The following MRPS25 variants were observed in gnomAD, a reference collection of about 807,000 sequenced individuals.
MRPS25 encodes mitochondrial ribosomal protein S25, also known as small ribosomal subunit protein mS25.
In MRPS25, 15 loss-of-function variants were observed where a neutral mutation model predicts 17.3. That is an observed-to-expected ratio of 0.87 (90% CI 0.58 to 1.34). The LOEUF is 1.34. Ranked by LOEUF, MRPS25 falls within the 40% of genes most tolerant of loss-of-function variation. MRPS25 has a pLI of 0.00. For missense variants in MRPS25, 225 were observed against 218.6 expected (o/e 1.03, Z -0.19); for synonymous variants, 94 against 83.3 (o/e 1.13, Z -0.70).
intron 1 of MRPS25, among the ~76,000 whole-genome samples, chr3:15,063,088 G>C (rs1186076399): frequency 2.0e-5 from 3 of 151,372 alleles, no homozygotes; most frequent in African/African-American, 7.3e-5. Context: ...CAGGAACCTT[G>C]AGTTGAGCAA....
rs576883640 is a variant in MRPS25 at position 15,049,583 on chromosome 3, A to G, written c.*2858T>C. On this transcript the variant is annotated 3_prime_UTR_variant, in exon 4 of 4. Transcript: ENST00000253686. ...CAGAGCACAGTTAGGCTGCTGGAACATTCAGATGCCATTACAGACAGGCCT... is the reference window on the plus strand; with the variant it reads ...CAGAGCACAGTTAGGCTGCTGGAACGTTCAGATGCCATTACAGACAGGCCT... 7.0e-6 allele frequency: 3 copies of G among 427,050 alleles called. No homozygotes were observed. The highest frequency in any genetic ancestry group is 1.2e-5 in the Non-Finnish European group (3 of 242,538). The allele number at this position is 427,050 out of a possible 1,614,324, so 26.5% of individuals were successfully genotyped here. A position where few individuals can be genotyped will look rare whatever the true frequency, so the allele number is the denominator to read the frequency against.
downstream of MRPS25, chr3:15,044,925 T>C (rs1230138182): frequency 6.6e-6 from 1 of 152,228 alleles, no homozygotes; most frequent in Non-Finnish European, 1.5e-5. Context: ...TGGATTTAAT[T>C]ATATCATTTT....
chr3:15,062,468 C>G (rs2042787242), intron 1 of MRPS25, among the ~76,000 whole-genome samples: 2 of 145,492 alleles, frequency 1.4e-5, no homozygotes, highest in African/African-American at 5.1e-5. Flanking sequence ...CCCTGCCCGG[C>G]CAGCCGCCCC....
chr3:15,052,745 G>T, intron 3 of MRPS25, 112 bp from the exon 4 acceptor site: 1 of 1,128,226 alleles, frequency 8.9e-7, no homozygotes, highest in Non-Finnish European at 1.3e-6. Flanking sequence ...TGGATCTCCT[G>T]CCTTCTAACC....
At chr3:15,055,863 A>G (rs917684160) in intron 2 of MRPS25, among the ~76,000 whole-genome samples, 6 of 151,750 alleles carry the variant, frequency 4.0e-5, no homozygotes, top group Admixed American at 3.9e-4. Flanking sequence ...AAGGAAATGC[A>G]CCCAGAACAC....
chr3:15,065,297 GCCAGGTT>G lies in MRPS25; in HGVS notation c.-110_-104del. On this transcript the variant is annotated 5_prime_UTR_variant, in exon 1 of 4. Transcript: ENST00000253686. ...GGATCTCACGCGGCTTCTCCCCAGA[GCCAGGTT>G]CCACTTCCCGCGCAGACGCACAGGA... 7.1e-7 allele frequency: 1 copy of G among 1,417,576 alleles called. No homozygotes were observed. Among genetic ancestry groups the G allele is most frequent in the Non-Finnish European group, 9.2e-7 (1 of 1,084,198 alleles). 87.8% of individuals were successfully genotyped at this position (1,417,576 alleles called of 1,614,324 possible). A position where few individuals can be genotyped will look rare whatever the true frequency, so the allele number is the denominator to read the frequency against.
chr3:15,050,144 T>C lies in MRPS25; in HGVS notation c.*2297A>G. The C allele has an allele frequency of 7.4e-7, 1 of 1,349,714 alleles. No homozygotes were observed. Among genetic ancestry groups the C allele is most frequent in the South Asian group, 1.8e-5 (1 of 55,712 alleles). The allele number at this position is 1,349,714 out of a possible 1,614,324, so 83.6% of individuals were successfully genotyped here. ...TAAAGAGAAACTATCCAGGATCAAGTAGCCTACAGGGAACAAAAAAAGAAA... is the reference window on the plus strand; with the variant it reads ...TAAAGAGAAACTATCCAGGATCAAGCAGCCTACAGGGAACAAAAAAAGAAA... On this transcript the variant is annotated 3_prime_UTR_variant, in exon 4 of 4. Coordinates refer to ENST00000253686, the MANE Select transcript of MRPS25 (RefSeq NM_022497.5).
At chr3:15,052,826 C>T (rs1455470601) in intron 3 of MRPS25, among the ~76,000 whole-genome samples, 193 bp from the exon 4 acceptor site, 1 of 152,192 alleles carries the variant, frequency 6.6e-6, no homozygotes, top group Non-Finnish European at 1.5e-5. Context: ...AGAAGGCCTG[C>T]TGTTGTCCCC....
chr3:15,042,564 C>T (rs1575051349), downstream of MRPS25: 5 of 329,306 alleles, frequency 1.5e-5, no homozygotes, highest in East Asian at 2.5e-4. Flanking sequence ...GATGAATTTC[C>T]AGGTTTTCTC....
chr3:15,056,120 C>T (rs1210894917), intron 2 of MRPS25, among the ~76,000 whole-genome samples: 1 of 150,966 alleles, frequency 6.6e-6, no homozygotes, highest in Non-Finnish European at 1.5e-5. Context: ...GAGGCTGAGG[C>T]AGGAGAATGG....
intron 2 of MRPS25, 108 bp downstream of exon 2, chr3:15,059,261 A>C: frequency 2.5e-6 from 2 of 784,364 alleles, no homozygotes; most frequent in Non-Finnish European, 4.4e-6. Flanking sequence ...TCACAGACAC[A>C]CCATGACAGC....
chr3:15,051,555 A>G lies in MRPS25; in HGVS notation c.*886T>C, dbSNP rs1037018424. The G allele has an allele frequency of 4.1e-6, 4 of 985,188 alleles. No individual in the cohort carries two copies. The highest frequency in any genetic ancestry group is 3.6e-6 in the Non-Finnish European group (3 of 829,814). The allele number at this position is 985,188 out of a possible 1,614,324, so 61.0% of individuals were successfully genotyped here. A position where few individuals can be genotyped will look rare whatever the true frequency, so the allele number is the denominator to read the frequency against. On this transcript the variant is annotated 3_prime_UTR_variant, in exon 4 of 4. Coordinates refer to ENST00000253686, the MANE Select transcript of MRPS25 (RefSeq NM_022497.5). The stretch of plus-strand genomic sequence containing the variant: ...TGGAGGCTGAAACCTCCACTTTAGC[A>G]TAACTAAAGTGACAGTAACATCAGT...
At chr3:15,047,293 CAG>C (rs2042491081), downstream of MRPS25, 1 of 152,216 alleles carries the variant, frequency 6.6e-6, no homozygotes, top group Non-Finnish European at 1.5e-5. Context: ...GCCATGAAGT[CAG>C]AATCTCCACT....
chr3:15,048,780 T>C lies in MRPS25; in HGVS notation c.*3661A>G, dbSNP rs2042544399. 6.6e-6 allele frequency: 1 copy of C among 152,648 alleles called. No homozygotes were observed. Among genetic ancestry groups the C allele is most frequent in the Admixed American group, 6.5e-5 (1 of 15,288 alleles). The allele number at this position is 152,648 out of a possible 1,614,324, so 9.5% of individuals were successfully genotyped here. A position where few individuals can be genotyped will look rare whatever the true frequency, so the allele number is the denominator to read the frequency against. On this transcript the variant is annotated 3_prime_UTR_variant, in exon 4 of 4. Transcript: ENST00000253686. ...AGTTTTATAACTGAAAAGCTGCACA[T>C]TTTTCACAGTACAAGCCGTAGTTTT...
In MRPS25 at chr3:15,049,895, C is replaced by G. The variant is rs1250903467; in HGVS notation, c.*2546G>C. On this transcript the variant is annotated 3_prime_UTR_variant, in exon 4 of 4. Transcript: ENST00000253686. Reference sequence around the variant, plus strand: ...TCAGCCTCCTGAGTAACTGGGACCACAGCAGATGATACAGGTTTAGATGGT... The same window carrying G: ...TCAGCCTCCTGAGTAACTGGGACCAGAGCAGATGATACAGGTTTAGATGGT... 1.3e-6 allele frequency: 2 copies of G among 1,529,710 alleles called. No individual in the cohort carries two copies. Among genetic ancestry groups the G allele is most frequent in the South Asian group, 2.4e-5 (2 of 83,464 alleles). 94.8% of individuals were successfully genotyped at this position (1,529,710 alleles called of 1,614,324 possible). A position where few individuals can be genotyped will look rare whatever the true frequency, so the allele number is the denominator to read the frequency against.
intron 1 of MRPS25, among the ~76,000 whole-genome samples, chr3:15,062,282 C>T (rs1198728470): frequency 1.1e-4 from 7 of 65,484 alleles, no homozygotes; most frequent in African/African-American, 1.4e-4. Context: ...GTCAGCCCCC[C>T]GCCCGGCCAG....
rs1026532528 is a variant in MRPS25 at position 15,065,080 on chromosome 3, C to T, written c.115G>A (p.Glu39Lys). 16 of 1,601,436 alleles carry T rather than the reference C, an allele frequency of 1.0e-5. No individual in the cohort carries two copies. Among genetic ancestry groups the T allele is most frequent in the Non-Finnish European group, 1.4e-5 (16 of 1,175,032 alleles). Residue 39 changes from glutamate (E) to lysine (K), a missense_variant, in exon 1 of 4, where the codon GAG becomes AAG. Physicochemically the swap from Glu to Lys is moderately conservative, Grantham distance 56 (BLOSUM62 1). Coordinates refer to ENST00000253686, the MANE Select transcript of MRPS25 (RefSeq NM_022497.5). ...ACTGACCTGGCGCCCTCGCCCAGCT[C>T]CCCATGCGTGTTGTAATTCACTGTC... ...VMTVNYNTHG[E>K]LGEGARKFVF...
intron 1 of MRPS25, 25 bp from the exon 2 acceptor site, chr3:15,059,500 T>C (rs1298689689): frequency 6.6e-7 from 1 of 1,512,556 alleles, no homozygotes; most frequent in Non-Finnish European, 9.1e-7. Context: ...AAATGAAGCC[T>C]ATGAAACAGA....
chr3:15,055,980 G>A (rs985695219), intron 2 of MRPS25, among the ~76,000 whole-genome samples: 11 of 151,766 alleles, frequency 7.2e-5, no homozygotes, highest in African/African-American at 1.7e-4. Context: ...TTGGGAGGCC[G>A]AGGCGGGCGG....
Sources: allele counts gnomAD v4.1 joint callset (sites outside exome capture counted in the v4.1 genomes callset), GRCh38; gene constraint gnomAD v4.1.1; transcripts MANE v1.5; gene names NCBI Gene and HGNC (gene_info 2026-07-23, HGNC 2026-07-21).